The following BBOX1 variants were observed in gnomAD, a reference collection of about 807,000 sequenced individuals.
The protein encoded by BBOX1 is gamma-butyrobetaine dioxygenase.
In BBOX1, 35 loss-of-function variants were observed where a neutral mutation model predicts 41.6. The observed-to-expected ratio is 0.84, with a 90% CI of 0.64 to 1.11. The LOEUF (loss-of-function observed/expected upper bound fraction) is 1.11. Ranked by LOEUF, BBOX1 falls within the 50% of genes most tolerant of loss-of-function variation. BBOX1 has a pLI of 0.00. For synonymous variants in BBOX1, 163 were observed against 154.7 expected (o/e 1.05, Z -0.40); for missense variants, 458 against 460.6 (o/e 0.99, Z 0.05).
chr11:27,045,744 A>G (rs1172673339), intron 2 of BBOX1, among the ~76,000 whole-genome samples: 1 of 152,152 alleles, frequency 6.6e-6, no homozygotes, highest in African/African-American at 2.4e-5. Flanking sequence ...CTTGTTTTCC[A>G]TTTACTAAAA....
At chr11:27,086,523 GAGA>G (rs1393907313) in intron 4 of BBOX1, among the ~76,000 whole-genome samples, 5 of 152,140 alleles carry the variant, frequency 3.3e-5, no homozygotes. Context: ...TGCTCAGAAA[GAGA>G]AGATGCTTTT....
chr11:27,066,213 G>T (rs1288991402), intron 4 of BBOX1, among the ~76,000 whole-genome samples: 1 of 151,974 alleles, frequency 6.6e-6, no homozygotes, highest in Non-Finnish European at 1.5e-5. Flanking sequence ...TGTGTGTGTG[G>T]TTTTTTGGTT....
At chr11:27,060,746 C>A (rs1168493555) in intron 4 of BBOX1, among the ~76,000 whole-genome samples, 1 of 152,212 alleles carries the variant, frequency 6.6e-6, no homozygotes, top group Non-Finnish European at 1.5e-5. Flanking sequence ...TAAGCATAGA[C>A]CAGCCATGTC....
At chr11:27,069,016 A>C (rs576795777) in intron 4 of BBOX1, among the ~76,000 whole-genome samples, 22 of 151,222 alleles carry the variant, frequency 1.5e-4, no homozygotes, top group African/African-American at 5.1e-4. Context: ...ATGCATTCAG[A>C]TTTGCTCTTT....
intron 4 of BBOX1, among the ~76,000 whole-genome samples, chr11:27,078,796 T>C (rs10835114): frequency 0.6 from 90,609 of 152,052 alleles, 29,758 homozygotes; most frequent in East Asian, 0.94. Context: ...CACTTTGGAG[T>C]CAGAAGAGCT....
chr11:27,090,968 T>C (rs1046565240), intron 4 of BBOX1, among the ~76,000 whole-genome samples: 6 of 152,100 alleles, frequency 3.9e-5, no homozygotes, highest in African/African-American at 1.4e-4. Context: ...TCAGACCTTA[T>C]GGTTGTCTTC....
At chr11:27,120,722 G>T (rs980662807) in intron 7 of BBOX1, among the ~76,000 whole-genome samples, 11 of 151,616 alleles carry the variant, frequency 7.3e-5, no homozygotes, top group African/African-American at 2.4e-4. Context: ...TTGGTAGGGG[G>T]GTATAATTTT....
At chr11:27,082,238 C>A (rs1857867586) in intron 4 of BBOX1, among the ~76,000 whole-genome samples, 1 of 152,070 alleles carries the variant, frequency 6.6e-6, no homozygotes, top group Non-Finnish European at 1.5e-5. Flanking sequence ...CAAACTATAT[C>A]TCTATTCTGC....
chr11:27,126,443 A>C (rs1395258999), intron 8 of BBOX1, among the ~76,000 whole-genome samples: 1 of 152,200 alleles, frequency 6.6e-6, no homozygotes, highest in East Asian at 1.9e-4. Context: ...ACAAGTTAGA[A>C]TCCAAGCTTC....
intron 5 of BBOX1, among the ~76,000 whole-genome samples, chr11:27,106,585 A>G (rs1858876320): frequency 6.6e-6 from 1 of 152,192 alleles, no homozygotes; most frequent in South Asian, 2.1e-4. Context: ...AGATTCATAA[A>G]GCAAGTCCTT....
chr11:27,117,256 AT>A (rs577155032), intron 6 of BBOX1, among the ~76,000 whole-genome samples: 228 of 151,396 alleles, frequency 1.5e-3, no homozygotes, highest in Middle Eastern at 6.8e-3. Flanking sequence ...AATTAGCCCA[AT>A]TTTTTTTTCA....
intron 4 of BBOX1, among the ~76,000 whole-genome samples, chr11:27,092,077 C>G (rs1473623134): frequency 6.6e-6 from 1 of 151,978 alleles, no homozygotes; most frequent in Non-Finnish European, 1.5e-5. Flanking sequence ...AAGCCACTAT[C>G]TGACGCCTAC....
At chr11:27,125,352 A>C (rs921462079) in intron 7 of BBOX1, among the ~76,000 whole-genome samples, 2 of 152,190 alleles carry the variant, frequency 1.3e-5, no homozygotes, top group African/African-American at 4.8e-5. Flanking sequence ...TCAAATAACA[A>C]AGAATGAATG....
chr11:27,062,797 A>G (rs1242915804), intron 4 of BBOX1, among the ~76,000 whole-genome samples: 4 of 152,106 alleles, frequency 2.6e-5, no homozygotes, highest in African/African-American at 9.7e-5. Context: ...TCTTGACCTC[A>G]TGATCCGCCC....
In BBOX1 at chr11:27,125,870, C is replaced by A. The variant is rs747743747; in HGVS notation, c.1003+50C>A. The A allele has an allele frequency of 1.2e-5, 19 of 1,562,354 alleles. No individual in the cohort carries two copies. The Middle Eastern group carries it at 5.2e-4, about 43-fold the overall frequency. On this transcript the variant is annotated intron_variant, in intron 8 of 8. Coordinates refer to ENST00000263182, the MANE Select transcript of BBOX1 (RefSeq NM_003986.3). Reference sequence around the variant, plus strand: ...AACCAAAAGCATGGATTTTCTTCAACCTTAACCACCTAGAATTATATCCAG... The same window carrying A: ...AACCAAAAGCATGGATTTTCTTCAAACTTAACCACCTAGAATTATATCCAG...
chr11:27,104,498 T>C (rs1858787627), intron 5 of BBOX1, among the ~76,000 whole-genome samples: 1 of 152,188 alleles, frequency 6.6e-6, no homozygotes, highest in Non-Finnish European at 1.5e-5. Flanking sequence ...GAGATTCTTT[T>C]AAATAATTTC....
chr11:27,105,442 G>A (rs1858831483), intron 5 of BBOX1, among the ~76,000 whole-genome samples: 2 of 152,158 alleles, frequency 1.3e-5, no homozygotes, highest in Non-Finnish European at 2.9e-5. Context: ...ACTACGTGAC[G>A]AATGCACAAG....
At chr11:27,115,647 G>C (rs11819947) in intron 6 of BBOX1, 90 bp downstream of exon 6, 2 of 1,131,124 alleles carry the variant, frequency 1.8e-6, no homozygotes, top group Admixed American at 5.7e-5. Flanking sequence ...CATTTCACCA[G>C]GTAGTTTGTC....
chr11:27,108,874 C>G (rs1858955959), intron 5 of BBOX1, among the ~76,000 whole-genome samples: 1 of 151,928 alleles, frequency 6.6e-6, no homozygotes, highest in Non-Finnish European at 1.5e-5. Context: ...ATTGTATTTC[C>G]ACTCTCCTCC....
Sources: allele counts gnomAD v4.1 joint callset (sites outside exome capture counted in the v4.1 genomes callset), GRCh38; gene constraint gnomAD v4.1.1; transcripts MANE v1.5; gene names NCBI Gene and HGNC (gene_info 2026-07-23, HGNC 2026-07-21).